The following ASCL5 variants were observed in gnomAD, a reference collection of about 807,000 sequenced individuals.
ASCL5 encodes achaete-scute homolog 5.
For missense variants in ASCL5, 262 were observed against 268.9 expected, an observed-to-expected ratio of 0.97 and a Z score of 0.18; for synonymous variants, 124 against 131.5, an observed-to-expected ratio of 0.94 and a Z score of 0.39.
chr1:201,114,755 A>T lies in ASCL5; in HGVS notation c.618T>A (p.His206Gln). The T allele has an allele frequency of 8.1e-7, 1 of 1,229,280 alleles. No homozygotes were observed. The highest frequency in any genetic ancestry group is 1.0e-6 in the Non-Finnish European group (1 of 986,306). 76.1% of individuals were successfully genotyped at this position (1,229,280 alleles called of 1,614,324 possible). Residue 206 changes from histidine to glutamine, a missense_variant, in exon 2 of 2, where the codon CAT (histidine) becomes CAA (glutamine). By Grantham distance (24) the His-to-Gln change is conservative. Transcript: ENST00000449188. ...CCGGGGGCGGCCACAGGCCCGATCAATGCCAGGATTCCTCCGACTCCAAGA... is the reference window on the plus strand; with the variant it reads ...CCGGGGGCGGCCACAGGCCCGATCATTGCCAGGATTCCTCCGACTCCAAGA... The part of the protein sequence containing the change: ...SPFLESEESW[H>Q]
In ASCL5 at chr1:201,115,351, C is replaced by T. The variant is rs1663318130; in HGVS notation, c.22G>A (p.Ala8Thr). ...CCCAGAGGCCTCCGGTCCACCAGAG[C>T]CCGGCAGAAGTTATTGTTCATGGTG... MNNNFCRALVDRRPLGPP... is the reference protein window; with the variant it reads MNNNFCRTLVDRRPLGPP... Residue 8 changes from alanine (A) to threonine (T), a missense_variant, in exon 2 of 2, where the codon GCT becomes ACT. By Grantham distance (58) the Ala-to-Thr change is moderately conservative. Coordinates refer to ENST00000449188, the MANE Select transcript of ASCL5 (RefSeq NM_001270601.2). 2.4e-6 allele frequency: 3 copies of T among 1,231,312 alleles called. No homozygotes were observed. The highest frequency in any genetic ancestry group is 1.6e-5 in the African/African-American group (1 of 64,402). The allele number at this position is 1,231,312 out of a possible 1,614,324, so 76.3% of individuals were successfully genotyped here.
intron 1 of ASCL5, among the ~76,000 whole-genome samples, chr1:201,119,115 G>C (rs539729084): frequency 6.6e-6 from 1 of 152,246 alleles, no homozygotes; most frequent in Non-Finnish European, 1.5e-5. Flanking sequence ...ATGTCCCGCT[G>C]AAGATTCCAA....
intron 1 of ASCL5, among the ~76,000 whole-genome samples, chr1:201,123,221 G>A (rs1008799735): frequency 9.9e-5 from 15 of 152,102 alleles, no homozygotes; most frequent in African/African-American, 3.6e-4. Flanking sequence ...GAATGAAAAG[G>A]GTAACTGAAT....
At chr1:201,125,501 G>A (rs1663562575) in intron 1 of ASCL5, among the ~76,000 whole-genome samples, 1 of 151,966 alleles carries the variant, frequency 6.6e-6, no homozygotes, top group Non-Finnish European at 1.5e-5. Context: ...AAGCTGTTTG[G>A]GTCTTTCTTT....
Position 201,123,872 on chromosome 1 carries a change from T to C in ASCL5, c.-506+3212A>G, listed in dbSNP as rs1437650683. On this transcript the variant is annotated intron_variant, in intron 1 of 1. Coordinates refer to ENST00000449188, the MANE Select transcript of ASCL5 (RefSeq NM_001270601.2). Reference sequence around the variant, plus strand: ...GCTCCGTACTTTGCCTTTCGGGGAGTAGAAATACCTTCTGAGGAGTCCAAC... The same window carrying C: ...GCTCCGTACTTTGCCTTTCGGGGAGCAGAAATACCTTCTGAGGAGTCCAAC... Among the ~76,000 whole-genome samples the C allele has an allele frequency of 2.0e-5, 3 of 152,014 alleles. No homozygotes were observed. In the East Asian group the frequency reaches 5.8e-4, roughly 29 times the overall value.
chr1:201,119,562 C>A (rs976448448), intron 1 of ASCL5, among the ~76,000 whole-genome samples: 2 of 152,134 alleles, frequency 1.3e-5, no homozygotes, highest in Non-Finnish European at 2.9e-5. Flanking sequence ...TAAGAGAAGA[C>A]CCCTTAGGAA....
At chr1:201,119,802 C>G (rs901448451) in intron 1 of ASCL5, among the ~76,000 whole-genome samples, 1 of 152,032 alleles carries the variant, frequency 6.6e-6, no homozygotes, top group Non-Finnish European at 1.5e-5. Context: ...CTCTTAGCCC[C>G]CATGGTGACT....
chr1:201,114,874 G>A lies in ASCL5; in HGVS notation c.499C>T (p.Pro167Ser). 8.1e-7 allele frequency: 1 copy of A among 1,228,626 alleles called. No homozygotes were observed. The highest frequency in any genetic ancestry group is 1.0e-6 in the Non-Finnish European group (1 of 985,958). The allele number at this position is 1,228,626 out of a possible 1,614,324, so 76.1% of individuals were successfully genotyped here. Residue 167 changes from proline (P) to serine (S), a missense_variant, in exon 2 of 2, where the codon CCC (proline) becomes TCC (serine). Pro to Ser is a moderately conservative substitution (Grantham distance 74). Transcript: ENST00000449188. ...TGPCPAPPAT[P>S]RPDRPGDGEA... is the part of the protein sequence containing the mutation. ...CCGTCGCCAGGGCGGTCGGGACGGG[G>A]GGTGGCGGGCGGCGCGGGGCAGGGC...
intron 1 of ASCL5, among the ~76,000 whole-genome samples, chr1:201,118,392 G>A (rs1417246892): frequency 6.6e-6 from 1 of 152,032 alleles, no homozygotes; most frequent in Non-Finnish European, 1.5e-5. Context: ...GCTGAGTAGG[G>A]GAGGATGGCT....
chr1:201,115,031 C>T lies in ASCL5; in HGVS notation c.342G>A (p.Leu114=). 1 of 1,232,038 alleles carries T rather than the reference C, an allele frequency of 8.1e-7. No homozygotes were observed. Among genetic ancestry groups the T allele is most frequent in the Non-Finnish European group, 1.0e-6 (1 of 988,234 alleles). The allele number at this position is 1,232,038 out of a possible 1,614,324, so 76.3% of individuals were successfully genotyped here. The change falls in exon 2 of 2, where the codon CTG becomes CTA. Residue 114 remains leucine (L), a synonymous_variant. Transcript: ENST00000449188. ...ARLRGHLPGA[L]AEKRLSKVET... is the part of the protein sequence containing the mutation. Reference sequence around the variant, plus strand: ...CCACCTTGCTGAGTCGCTTCTCAGCCAGGGCGCCGGGGAGGTGGCCGCGGA... The same window carrying T: ...CCACCTTGCTGAGTCGCTTCTCAGCTAGGGCGCCGGGGAGGTGGCCGCGGA...
rs748261071 is a variant in ASCL5, at chr1:201,114,936, G to C, written c.437C>G (p.Ser146Trp). ...GAGGCCGCGGGAAGCGGGGGGCGTCGAGCCGTCGGGGGCCGAGCTCAGCAG... is the reference window on the plus strand; with the variant it reads ...GAGGCCGCGGGAAGCGGGGGGCGTCCAGCCGTCGGGGGCCGAGCTCAGCAG... Reference protein sequence around the residue: ...QELLSSAPDGSTPPASRGLPG... With the variant: ...QELLSSAPDGWTPPASRGLPG... Residue 146 changes from serine (S) to tryptophan (W), a missense_variant, in exon 2 of 2, where the codon TCG becomes TGG. Ser to Trp is a radical substitution (Grantham distance 177, BLOSUM62 -3). Transcript: ENST00000449188. 10 of 1,231,018 alleles carry C rather than the reference G, an allele frequency of 8.1e-6. No individual in the cohort carries two copies. The highest frequency in any genetic ancestry group is 1.6e-5 in the African/African-American group (1 of 64,378). 76.3% of individuals were successfully genotyped at this position (1,231,018 alleles called of 1,614,324 possible). A position where few individuals can be genotyped will look rare whatever the true frequency, so the allele number is the denominator to read the frequency against.
intron 1 of ASCL5, among the ~76,000 whole-genome samples, chr1:201,125,208 G>A (rs766238374): frequency 1.3e-5 from 2 of 152,182 alleles, no homozygotes; most frequent in Non-Finnish European, 2.9e-5. Context: ...CAAGGAGATC[G>A]TGCATGAAAA....
chr1:201,115,079 G>C lies in ASCL5; in HGVS notation c.294C>G (p.Cys98Trp). 6.5e-6 allele frequency: 8 copies of C among 1,231,898 alleles called. No individual in the cohort carries two copies. Among genetic ancestry groups the C allele is most frequent in the Non-Finnish European group, 8.1e-6 (8 of 988,100 alleles). 76.3% of individuals were successfully genotyped at this position (1,231,898 alleles called of 1,614,324 possible). The change falls in exon 2 of 2, where the codon TGC (cysteine) becomes TGG (tryptophan). Residue 98 changes from cysteine (C) to tryptophan (W), a missense_variant. By Grantham distance (215) the Cys-to-Trp change is radical. Transcript: ENST00000449188. The stretch of plus-strand genomic sequence containing the variant: ...GGAGGCGAGCGTAGCCCTCGTTGAC[G>C]CACTTGACTCGCTGCCTCTCGCGCT... ...RNERERQRVK[C>W]VNEGYARLRG...
At position 201,120,530 on chromosome 1, in the gene ASCL5, T is replaced by G. The variant is rs1180189612; in HGVS notation, c.-505-4653A>C. Among the ~76,000 whole-genome samples the G allele has an allele frequency of 2.0e-5, 3 of 152,214 alleles. No individual in the cohort carries two copies. In the East Asian group the frequency reaches 5.8e-4, roughly 29 times the overall value. On this transcript the variant is annotated intron_variant, in intron 1 of 1. Transcript: ENST00000449188. ...TCCTGTCACTGCCCCCAACCCAGGC[T>G]GTAAACTGTGAGCCCAAGAACTCTG...
Position 201,114,693 on chromosome 1 carries a change from C to T in ASCL5, c.*59G>A, listed in dbSNP as rs532846323. 2.5e-5 allele frequency: 31 copies of T among 1,225,924 alleles called. No homozygotes were observed. In the African/African-American group the frequency reaches 4.4e-4, roughly 17 times the overall value. The allele number at this position is 1,225,924 out of a possible 1,614,324, so 75.9% of individuals were successfully genotyped here. On this transcript the variant is annotated 3_prime_UTR_variant, in exon 2 of 2. Coordinates refer to ENST00000449188, the MANE Select transcript of ASCL5 (RefSeq NM_001270601.2). ...GTGACCCAACAGCCTCCCGCTGCTCCCGAAAGTGGGACGGGGCCGGCGGAT... is the reference window on the plus strand; with the variant it reads ...GTGACCCAACAGCCTCCCGCTGCTCTCGAAAGTGGGACGGGGCCGGCGGAT...
chr1:201,122,567 C>T lies in ASCL5; in HGVS notation c.-506+4517G>A, dbSNP rs10920124. ...AGAGAGCTGCTCAGGGTCACACAGCCGATTGAATTTACCAGGGTCTCATTG... is the reference window on the plus strand; with the variant it reads ...AGAGAGCTGCTCAGGGTCACACAGCTGATTGAATTTACCAGGGTCTCATTG... On this transcript the variant is annotated intron_variant, in intron 1 of 1. Coordinates refer to ENST00000449188, the MANE Select transcript of ASCL5 (RefSeq NM_001270601.2). Among the ~76,000 whole-genome samples, 1,246 of 152,194 alleles carry T rather than the reference C, an allele frequency of 8.2e-3. 19 individuals carry two copies. Among genetic ancestry groups the T allele is most frequent in the African/African-American group, 0.029 (1,184 of 41,516 alleles).
intron 1 of ASCL5, among the ~76,000 whole-genome samples, chr1:201,118,281 A>C (rs1224990667): frequency 6.6e-6 from 1 of 152,098 alleles, no homozygotes; most frequent in Non-Finnish European, 1.5e-5. Flanking sequence ...GGAGTTTGAG[A>C]CCAGCCTGAG....
chr1:201,120,527 GGCT>G (rs1362987450), intron 1 of ASCL5, among the ~76,000 whole-genome samples: 1 of 152,110 alleles, frequency 6.6e-6, no homozygotes, highest in Admixed American at 6.5e-5. Flanking sequence ...CCCCAACCCA[GGCT>G]GTAAACTGTG....
At chr1:201,116,848 C>G (rs1444009314) in intron 1 of ASCL5, among the ~76,000 whole-genome samples, 1 of 152,038 alleles carries the variant, frequency 6.6e-6, no homozygotes, top group African/African-American at 2.4e-5. Context: ...TTATTTTTTC[C>G]CTCTTCATAA....
Sources: allele counts gnomAD v4.1 joint callset (sites outside exome capture counted in the v4.1 genomes callset), GRCh38; gene constraint gnomAD v4.1.1; transcripts MANE v1.5; gene names NCBI Gene and HGNC (gene_info 2026-07-23, HGNC 2026-07-21).